The following SHISA9 variants were observed in gnomAD, a reference collection of about 807,000 sequenced individuals.
SHISA9 encodes the protein shisa family member 9.
Under a neutral mutation model 38.0 loss-of-function variants are expected in SHISA9, and 13 were observed. The ratio of observed to expected loss-of-function variants is 0.34; its 90% CI spans 0.22 to 0.54. The LOEUF (loss-of-function observed/expected upper bound fraction) is 0.54. Among genes scored for constraint, SHISA9 ranks in the 20% least tolerant of loss-of-function variants. SHISA9 has a pLI of 0.91. For synonymous variants in SHISA9, 275 were observed against 242.0 expected (o/e 1.14, Z -1.27); for missense variants, 538 against 575.8 (o/e 0.93, Z 0.67).
At chr16:13,461,928 AAGGAAGTATTCACCC>A in the SHISA9 span, among the ~76,000 whole-genome samples, 1 of 152,018 alleles carries the variant, frequency 6.6e-6, no homozygotes, top group Non-Finnish European at 1.5e-5. Flanking sequence ...TTACTTTCTT[AAGGAAGTATTCACCC>A]AGGAAGTATT....
At chr16:13,507,979 A>C in the SHISA9 span, among the ~76,000 whole-genome samples, 1 of 152,330 alleles carries the variant, frequency 6.6e-6, no homozygotes, top group South Asian at 2.1e-4. Flanking sequence ...ACCACCAAGC[A>C]TAAAGAAAAC....
At chr16:13,439,076 C>T in the SHISA9 span, among the ~76,000 whole-genome samples, 1 of 152,140 alleles carries the variant, frequency 6.6e-6, no homozygotes, top group Admixed American at 6.5e-5. Context: ...ACAAATAGTG[C>T]ATGAGCTCAC....
At chr16:12,927,913 T>A (rs979956432) in intron 2 of SHISA9, among the ~76,000 whole-genome samples, 6 of 152,150 alleles carry the variant, frequency 3.9e-5, no homozygotes, top group African/African-American at 1.4e-4. Flanking sequence ...CACTTCTGGT[T>A]TCAAAGATGA....
chr16:13,308,501 T>A, the SHISA9 span, among the ~76,000 whole-genome samples: 1 of 152,128 alleles, frequency 6.6e-6, no homozygotes, highest in Non-Finnish European at 1.5e-5. Flanking sequence ...AGCCAGAGTG[T>A]CCCCATGAGC....
chr16:13,395,324 C>T, the SHISA9 span, among the ~76,000 whole-genome samples: 1 of 152,156 alleles, frequency 6.6e-6, no homozygotes, highest in Admixed American at 6.6e-5. Flanking sequence ...CTGGGGTAGA[C>T]CAAAGAAAGG....
downstream of SHISA9, among the ~76,000 whole-genome samples, chr16:13,244,366 A>T (rs761291393): frequency 1.3e-5 from 2 of 152,120 alleles, no homozygotes; most frequent in Non-Finnish European, 2.9e-5. Flanking sequence ...CACCCCTGAG[A>T]CAGCAAGACC....
At chr16:13,146,964 A>G (rs1414959713) in intron 2 of SHISA9, among the ~76,000 whole-genome samples, 1 of 152,226 alleles carries the variant, frequency 6.6e-6, no homozygotes, top group East Asian at 1.9e-4. Context: ...TCTAGAGCCT[A>G]AATGATCCAC....
intron 2 of SHISA9, among the ~76,000 whole-genome samples, chr16:13,028,308 A>T (rs907688656): frequency 2.0e-5 from 3 of 152,144 alleles, no homozygotes; most frequent in African/African-American, 7.2e-5. Context: ...TCTCCCCAGG[A>T]AGTGATAAAG....
chr16:12,961,017 G>T (rs1441246828), intron 2 of SHISA9, among the ~76,000 whole-genome samples: 1 of 151,584 alleles, frequency 6.6e-6, no homozygotes, highest in Non-Finnish European at 1.5e-5. Flanking sequence ...AATTATATCT[G>T]TAACATGTGG....
chr16:12,958,199 A>G (rs2071862344), intron 2 of SHISA9, among the ~76,000 whole-genome samples: 1 of 152,238 alleles, frequency 6.6e-6, no homozygotes, highest in East Asian at 1.9e-4. Context: ...AACCGTTATC[A>G]TCTGACAATA....
intron 2 of SHISA9, among the ~76,000 whole-genome samples, chr16:13,087,890 C>T (rs1395456071): frequency 6.6e-6 from 1 of 152,102 alleles, no homozygotes; most frequent in Non-Finnish European, 1.5e-5. Flanking sequence ...TTATGAAGCC[C>T]TTGCCCATGC....
chr16:13,211,656 G>A (rs941958911), intron 3 of SHISA9, among the ~76,000 whole-genome samples: 1 of 152,136 alleles, frequency 6.6e-6, no homozygotes, highest in Non-Finnish European at 1.5e-5. Flanking sequence ...ATGTTCCGTA[G>A]CCTATACATC....
the SHISA9 span, among the ~76,000 whole-genome samples, chr16:13,346,193 T>A: frequency 2.6e-5 from 4 of 152,318 alleles, no homozygotes; most frequent in African/African-American, 9.6e-5. Flanking sequence ...TGGCTTCCCC[T>A]TCTAAGTGAG....
the SHISA9 span, among the ~76,000 whole-genome samples, chr16:13,322,560 G>T: frequency 7.2e-5 from 11 of 152,130 alleles, no homozygotes; most frequent in Non-Finnish European, 1.5e-4. Flanking sequence ...AGGTTAGCAG[G>T]GGTGCTAAGG....
At chr16:13,352,140 T>A in the SHISA9 span, among the ~76,000 whole-genome samples, 1 of 152,282 alleles carries the variant, frequency 6.6e-6, no homozygotes, top group Middle Eastern at 3.4e-3. Flanking sequence ...CCCTTGGTCA[T>A]GCCAAGCTCA....
At chr16:13,413,918 G>A in the SHISA9 span, among the ~76,000 whole-genome samples, 1 of 152,136 alleles carries the variant, frequency 6.6e-6, no homozygotes, top group Non-Finnish European at 1.5e-5. Context: ...TTAAACGTGG[G>A]TCAGTTTATT....
chr16:13,163,745 G>A (rs1474720964), intron 2 of SHISA9, among the ~76,000 whole-genome samples: 1 of 151,812 alleles, frequency 6.6e-6, no homozygotes, highest in Non-Finnish European at 1.5e-5. Context: ...TAATATTTTT[G>A]TTGCTATTGT....
At chr16:13,142,786 C>A (rs2050412684) in intron 2 of SHISA9, among the ~76,000 whole-genome samples, 1 of 152,092 alleles carries the variant, frequency 6.6e-6, no homozygotes, top group African/African-American at 2.4e-5. Context: ...CCATGTTGAA[C>A]ACACTGAAAG....
At chr16:13,227,125 A>C (rs2051287091) in intron 4 of SHISA9, among the ~76,000 whole-genome samples, 1 of 152,218 alleles carries the variant, frequency 6.6e-6, no homozygotes, top group Admixed American at 6.5e-5. Context: ...TGTTTATTCC[A>C]GGATGGCAGG....
Sources: allele counts gnomAD v4.1 joint callset (sites outside exome capture counted in the v4.1 genomes callset), GRCh38; gene constraint gnomAD v4.1.1; transcripts MANE v1.5; gene names NCBI Gene and HGNC (gene_info 2026-07-23, HGNC 2026-07-21).